The following AP3M2 variants were observed in gnomAD, a reference collection of about 807,000 sequenced individuals.
The protein encoded by AP3M2 is AP-3 complex subunit mu-2.
AP3M2 carries 28 observed loss-of-function variants against 41.6 expected under a neutral mutation model. The observed-to-expected ratio is 0.67, with a 90% confidence interval of 0.50 to 0.92. The LOEUF is 0.92. Ranked by LOEUF, AP3M2 falls within the 40% of genes least tolerant of loss-of-function variation. The pLI is 0.00. For synonymous variants in AP3M2, 193 were observed against 186.4 expected (o/e 1.04, Z -0.29); for missense variants, 427 against 521.4 (o/e 0.82, Z 1.76).
At chr8:42,165,351 C>A in intron 5 of AP3M2, 76 bp from the exon 6 acceptor site, 1 of 1,547,526 alleles carries the variant, frequency 6.5e-7, no homozygotes, top group Non-Finnish European at 8.8e-7. Context: ...TTAAAAACAG[C>A]ATTTAAATTG....
intron 4 of AP3M2, among the ~76,000 whole-genome samples, chr8:42,163,551 T>A (rs1201794599): frequency 6.6e-6 from 1 of 152,132 alleles, no homozygotes; most frequent in Non-Finnish European, 1.5e-5. Flanking sequence ...GCTTCATCAG[T>A]GGATTGAAAT....
intron 2 of AP3M2, chr8:42,155,914 A>G: frequency 6.6e-6 from 3 of 452,370 alleles, no homozygotes; most frequent in South Asian, 3.1e-5. Context: ...CACCACGTCT[A>G]GAACAACTTC....
At chr8:42,156,830 G>A (rs1415078952) in intron 2 of AP3M2, among the ~76,000 whole-genome samples, 1 of 152,132 alleles carries the variant, frequency 6.6e-6, no homozygotes, top group Non-Finnish European at 1.5e-5. Context: ...CATGAACAGC[G>A]GAAGTATCTT....
chr8:42,157,570 G>A (rs1476005573), intron 2 of AP3M2, among the ~76,000 whole-genome samples: 1 of 152,122 alleles, frequency 6.6e-6, no homozygotes, highest in Non-Finnish European at 1.5e-5. Flanking sequence ...AGATTTTCAT[G>A]TACTGTTCTT....
At chr8:42,158,550 CTCTTG>C (rs1366700370) in intron 3 of AP3M2, among the ~76,000 whole-genome samples, 1 of 151,646 alleles carries the variant, frequency 6.6e-6, no homozygotes, top group Non-Finnish European at 1.5e-5. Context: ...CGCCTGGCCC[CTCTTG>C]TAGACTGAGT....
At chr8:42,167,093 C>A in intron 6 of AP3M2, 71 bp from the exon 7 acceptor site, 1 of 1,378,040 alleles carries the variant, frequency 7.3e-7, no homozygotes, top group Non-Finnish European at 1.0e-6. Context: ...GCAGAAAAAG[C>A]ATCATGTGAA....
chr8:42,158,300 G>A (rs1804414224), intron 3 of AP3M2, among the ~76,000 whole-genome samples, 188 bp downstream of exon 3: 1 of 150,938 alleles, frequency 6.6e-6, no homozygotes, highest in African/African-American at 2.4e-5. Context: ...CCAGGCTGGA[G>A]TGCAGTGGCG....
intron 3 of AP3M2, among the ~76,000 whole-genome samples, chr8:42,158,862 C>T (rs1226859140): frequency 6.6e-6 from 1 of 150,542 alleles, no homozygotes; most frequent in East Asian, 2.0e-4. Flanking sequence ...GGTGCGATCT[C>T]AACTCACTGC....
At chr8:42,158,792 TG>T (rs1218043236) in intron 3 of AP3M2, among the ~76,000 whole-genome samples, 1 of 151,770 alleles carries the variant, frequency 6.6e-6, no homozygotes, top group Non-Finnish European at 1.5e-5. Context: ...GTCTTCTACA[TG>T]GTTCTTTTTT....
intron 1 of AP3M2, chr8:42,154,399 C>A: frequency 3.1e-6 from 1 of 323,006 alleles, no homozygotes; most frequent in African/African-American, 2.1e-5. Flanking sequence ...TAAATGGATG[C>A]AATTTGGGCG....
In AP3M2 at chr8:42,169,122, TAA is replaced by T; in HGVS notation, c.*69_*70del. ...TTTTCATTTCTTACTTGTCTAAAAG[TAA>T]AAAAAAATATCAGCCTGTCTCCTAG... On this transcript the variant is annotated 3_prime_UTR_variant, in exon 9 of 9. Transcript: ENST00000396926. 7.3e-7 allele frequency: 1 copy of T among 1,369,284 alleles called. No individual in the cohort carries two copies. Among genetic ancestry groups the T allele is most frequent in the Admixed American group, 2.1e-5 (1 of 48,488 alleles). 84.8% of individuals were successfully genotyped at this position (1,369,284 alleles called of 1,614,324 possible). A position where few individuals can be genotyped will look rare whatever the true frequency, so the allele number is the denominator to read the frequency against.
chr8:42,159,905 T>C (rs909119357), intron 3 of AP3M2, among the ~76,000 whole-genome samples: 1 of 152,212 alleles, frequency 6.6e-6, no homozygotes. Context: ...CTGTCAAATA[T>C]CACGACACGT....
rs748317550 is a variant in AP3M2 at position 42,165,493 on chromosome 8, C to T, written c.736C>T (p.Arg246Cys). 1.9e-5 allele frequency: 30 copies of T among 1,614,004 alleles called. No homozygotes were observed. The South Asian group carries it at 2.0e-4, about 11-fold the overall frequency. ...TCGTTTCAAACGCTGGGAATCTGAG[C>T]GCATCCTCTCCTTCATCCCTCCTGA... ...CVRFKRWESERILSFIPPDGN... is the reference protein window; with the variant it reads ...CVRFKRWESECILSFIPPDGN... Residue 246 changes from arginine to cysteine, a missense_variant, in exon 6 of 9, where the codon CGC (arginine) becomes TGC (cysteine). Physicochemically the swap from Arg to Cys is radical, Grantham distance 180. Around this residue, in one of 3 missense-constraint regions of AP3M2, gnomAD observed 237 missense variants for 284.9 expected, o/e 0.83. Transcript: ENST00000396926.
intron 4 of AP3M2, among the ~76,000 whole-genome samples, chr8:42,163,121 G>T (rs1804553746): frequency 6.6e-6 from 1 of 151,972 alleles, no homozygotes; most frequent in Admixed American, 6.6e-5. Context: ...AGAAGTCCTG[G>T]AGCTTCAGAA....
Position 42,171,038 on chromosome 8 carries a change from T to C in AP3M2, c.*1977T>C, listed in dbSNP as rs553590097. 3 of 152,174 alleles carry C rather than the reference T, an allele frequency of 2.0e-5. No homozygotes were observed. The highest frequency in any genetic ancestry group is 3.9e-4 in the East Asian group (2 of 5,172). 9.4% of individuals were successfully genotyped at this position (152,174 alleles called of 1,614,324 possible). The stretch of plus-strand genomic sequence containing the variant: ...GTCACATGTGCAGCAGGCCATGGAG[T>C]GTAGCGGGCATCGCTGCCGCCATTC... On this transcript the variant is annotated 3_prime_UTR_variant, in exon 9 of 9. Coordinates refer to ENST00000396926, the MANE Select transcript of AP3M2 (RefSeq NM_006803.4).
At chr8:42,167,442 C>T in intron 7 of AP3M2, 71 bp downstream of exon 7, 1 of 1,554,262 alleles carries the variant, frequency 6.4e-7, no homozygotes, top group Non-Finnish European at 8.8e-7. Context: ...TCTGTGTAGA[C>T]TCTAGACCTT....
intron 8 of AP3M2, among the ~76,000 whole-genome samples, chr8:42,168,650 T>C (rs1051839864): frequency 6.6e-6 from 1 of 152,264 alleles, no homozygotes; most frequent in Non-Finnish European, 1.5e-5. Context: ...TATTCATTTT[T>C]TCAGTCCAAT....
rs2129656160 is a variant in AP3M2 at position 42,171,182 on chromosome 8, T to G, written c.*2121T>G. ...GTTTAATAAAGTTGAGTTTCACCAG[T>G]CTTCTATGTCCTAAGTGGTTTGTTA... On this transcript the variant is annotated 3_prime_UTR_variant, in exon 9 of 9. Transcript: ENST00000396926. The G allele has an allele frequency of 6.6e-6, 1 of 152,376 alleles. No individual in the cohort carries two copies. Among genetic ancestry groups the G allele is most frequent in the African/African-American group, 2.4e-5 (1 of 41,580 alleles). 9.4% of individuals were successfully genotyped at this position (152,376 alleles called of 1,614,324 possible).
chr8:42,168,120 G>C (rs559102822), intron 8 of AP3M2: 521 of 528,190 alleles, frequency 9.9e-4, no homozygotes, highest in African/African-American at 8.9e-3. Context: ...AGGTTCCCAA[G>C]GTTTTCAGTA....
Sources: allele counts gnomAD v4.1 joint callset (sites outside exome capture counted in the v4.1 genomes callset), GRCh38; gene constraint gnomAD v4.1.1; regional missense constraint gnomAD v4.1.1; transcripts MANE v1.5; gene names NCBI Gene and HGNC (gene_info 2026-07-23, HGNC 2026-07-21).